Variants in PPP1R3F observed in about 807,000 individuals in gnomAD.
PPP1R3F encodes protein phosphatase 1, regulatory (inhibitor) subunit 3F.
A neutral mutation model predicts 24.2 loss-of-function variants in PPP1R3F; 29 were observed. The observed-to-expected ratio is 1.20, with a 90% CI of 0.89 to 1.63. The LOEUF (loss-of-function observed/expected upper bound fraction) is 1.63. Among genes scored for constraint, PPP1R3F ranks in the 40% most tolerant of loss-of-function variants. The pLI is 0.00. For missense variants in PPP1R3F, 823 were observed against 729.3 expected, an observed-to-expected ratio of 1.13 and a Z score of -1.48; for synonymous variants, 363 against 340.1, an observed-to-expected ratio of 1.07 and a Z score of -0.74.
At chrX:49,276,939 G>A (rs1485678504) in intron 1 of PPP1R3F, among the ~76,000 whole-genome samples, 2 of 112,514 alleles carry the variant, frequency 1.8e-5, no homozygotes, top group Non-Finnish European at 3.8e-5. Context: ...CGGAAAGTCA[G>A]CGTTATCTTC....
At chrX:49,271,780 CAG>C (rs1569530320) in intron 1 of PPP1R3F, among the ~76,000 whole-genome samples, 1 of 113,110 alleles carries the variant, frequency 8.8e-6, no homozygotes, top group African/African-American at 3.2e-5. Context: ...GTGGCTCTAG[CAG>C]AGAGACAGAA....
chrX:49,292,162 A>G (rs1372905622), downstream of PPP1R3F, among the ~76,000 whole-genome samples: 1 of 111,359 alleles, frequency 9.0e-6, no homozygotes, highest in Non-Finnish European at 1.9e-5. Context: ...CTCAGGGTGC[A>G]TGAGCTCCAG....
rs2066281799 is a variant in PPP1R3F at position 49,286,195 on chromosome X, C to T, written c.1505C>T (p.Ala502Val). 3 of 1,070,260 alleles carry T rather than the reference C, an allele frequency of 2.8e-6. No individual in the cohort carries two copies. The highest frequency in any genetic ancestry group is 3.9e-5 in the African/African-American group (2 of 51,929). 88.2% of individuals were successfully genotyped at this position (1,070,260 alleles called of 1,213,427 possible). A position where few individuals can be genotyped will look rare whatever the true frequency, so the allele number is the denominator to read the frequency against. Reference sequence around the variant, plus strand: ...TCTCACCTGAGCCGCCTACGGGCTGCTGTGGCTGCGGGTGGGGCAGGGGGT... The same window carrying T: ...TCTCACCTGAGCCGCCTACGGGCTGTTGTGGCTGCGGGTGGGGCAGGGGGT... ...YLSHLSRLRAAVAAGGAGGGG... is the reference protein window; with the variant it reads ...YLSHLSRLRAVVAAGGAGGGG... Residue 502 changes from alanine to valine, a missense_variant, in exon 4 of 4, where the codon GCT becomes GTT. Coordinates refer to ENST00000055335, the MANE Select transcript of PPP1R3F (RefSeq NM_033215.5).
Position 49,294,022 on chromosome X carries a change from G to A in PPP1R3F, c.393-7329G>A, listed in dbSNP as rs782259796. Among the ~76,000 whole-genome samples, 20 of 111,305 alleles carry A rather than the reference G, an allele frequency of 1.8e-4. No homozygotes were observed. The South Asian group carries it at 7.1e-3, about 40-fold the overall frequency. On this transcript the variant is annotated intron_variant, in intron 3 of 3. Coordinates refer to the PPP1R3F transcript ENST00000471261. ...ACAACAACAACAAACAACCAAACAA[G>A]CAAAACCCCACACAAGGATTTTCAA...
At chrX:49,288,736 C>T (rs1557122075), downstream of PPP1R3F, among the ~76,000 whole-genome samples, 1 of 112,060 alleles carries the variant, frequency 8.9e-6, no homozygotes, top group East Asian at 2.8e-4. Flanking sequence ...CAATTGGTTA[C>T]CCGCATTGAA....
chrX:49,272,657 G>A (rs1350009476), intron 1 of PPP1R3F, among the ~76,000 whole-genome samples: 3 of 112,887 alleles, frequency 2.7e-5, no homozygotes, highest in Non-Finnish European at 5.6e-5. Flanking sequence ...TGCATGGTTG[G>A]ATTGAATGCA....
chrX:49,271,432 A>G (rs2066179594), intron 1 of PPP1R3F, among the ~76,000 whole-genome samples: 1 of 112,664 alleles, frequency 8.9e-6, no homozygotes, highest in South Asian at 3.6e-4. Flanking sequence ...TATATGGAAC[A>G]AGGGTGTTCT....
intron 1 of PPP1R3F, among the ~76,000 whole-genome samples, chrX:49,271,096 G>A (rs1160550011): frequency 1.8e-5 from 2 of 112,127 alleles, no homozygotes; most frequent in Admixed American, 1.9e-4. Flanking sequence ...CCCTGAACAA[G>A]ACAGACATCT....
chrX:49,296,113 T>G (rs1401824896), intron 3 of PPP1R3F, among the ~76,000 whole-genome samples: 1 of 112,079 alleles, frequency 8.9e-6, no homozygotes, highest in Non-Finnish European at 1.9e-5. Context: ...TCTTTGTAAC[T>G]CTGGTAGAAT....
chrX:49,283,347 C>T lies in PPP1R3F; in HGVS notation c.1143+1284C>T, dbSNP rs782011325. On this transcript the variant is annotated intron_variant, in intron 3 of 3. Transcript: ENST00000055335. ...TCTCAGCTTACTGCAACCTCTGCCT[C>T]CTGGGTTCAAGCAAGTACATCCAGC... 2.5e-3 allele frequency among the ~76,000 whole-genome samples: 269 copies of T among 109,140 alleles called. 1 individual carries two copies. The highest frequency in any genetic ancestry group is 8.3e-3 in the African/African-American group (249 of 29,936). 94.8% of individuals were successfully genotyped at this position (109,140 alleles called of 115,157 possible). A position where few individuals can be genotyped will look rare whatever the true frequency, so the allele number is the denominator to read the frequency against.
chrX:49,281,441 A>T lies in PPP1R3F; in HGVS notation c.1040A>T (p.Asp347Val). The T allele has an allele frequency of 1.7e-6, 2 of 1,208,303 alleles. No homozygotes were observed. Among genetic ancestry groups the T allele is most frequent in the Non-Finnish European group, 1.1e-6 (1 of 892,804 alleles). The stretch of plus-strand genomic sequence containing the variant: ...GAGGAACTGAAGACGAAGAACATGG[A>T]TGATAACACCTTTGCCATGGGTAAG... ...AEEELKTKNMDDNTFAMAEHP... is the reference protein window; with the variant it reads ...AEEELKTKNMVDNTFAMAEHP... The change falls in exon 2 of 4, where the codon GAT becomes GTT. Residue 347 changes from aspartate (D) to valine (V), a missense_variant. Physicochemically the swap from Asp to Val is radical, Grantham distance 152 (BLOSUM62 -3). Transcript: ENST00000055335.
At chrX:49,285,755 T>G in intron 3 of PPP1R3F, 79 bp from the exon 4 acceptor site, 1 of 999,238 alleles carries the variant, frequency 1.0e-6, no homozygotes, top group Non-Finnish European at 1.3e-6. Flanking sequence ...CACTTCTTAC[T>G]GTCTCTGCTT....
rs1326528868 is a variant in PPP1R3F at position 49,299,663 on chromosome X, A to G, written c.393-1688A>G. ...CCAGAAAGATGGGAGTTTTATCTAT[A>G]AGCCCCTGCCTGGGGCTGCTGCCTT... On this transcript the variant is annotated intron_variant, in intron 3 of 3. Coordinates refer to the PPP1R3F transcript ENST00000471261. 2.7e-5 allele frequency among the ~76,000 whole-genome samples: 3 copies of G among 111,611 alleles called. No homozygotes were observed. The East Asian group carries it at 8.5e-4, about 32-fold the overall frequency.
intron 3 of PPP1R3F, among the ~76,000 whole-genome samples, chrX:49,294,542 A>C (rs1557122643): frequency 9.1e-6 from 1 of 109,941 alleles, no homozygotes; most frequent in Non-Finnish European, 1.9e-5. Flanking sequence ...TACAATGTTG[A>C]ATAGCAGGAG....
chrX:49,286,818 T>C lies in PPP1R3F; in HGVS notation c.2128T>C (p.Leu710=). 1 of 1,201,893 alleles carries C rather than the reference T, an allele frequency of 8.3e-7. No individual in the cohort carries two copies. Among genetic ancestry groups the C allele is most frequent in the Non-Finnish European group, 1.1e-6 (1 of 889,749 alleles). ...GCAAAATCCCACCCTCCTCAGTCCC[T>C]TGGGGGCCGAAGTCTGTCTCTCTAG... ...QGQNPTLLSP[L]GAEVCLSSVA... The change falls in exon 4 of 4, where the codon TTG becomes CTG. Residue 710 remains leucine (L), a synonymous_variant. Transcript: ENST00000055335.
intron 1 of PPP1R3F, among the ~76,000 whole-genome samples, chrX:49,271,588 C>T (rs370655801): frequency 2.0e-4 from 22 of 112,542 alleles, no homozygotes; most frequent in African/African-American, 7.1e-4. Context: ...GATTCTCTTT[C>T]TGACAGAGCA....
downstream of PPP1R3F, among the ~76,000 whole-genome samples, chrX:49,288,911 T>C (rs2066300951): frequency 9.0e-6 from 1 of 111,324 alleles, no homozygotes; most frequent in African/African-American, 3.3e-5. Flanking sequence ...GAGGTCTAGA[T>C]GGGCGGATCA....
At position 49,269,815 on chromosome X, in the gene PPP1R3F, C is replaced by A; in HGVS notation, c.-55C>A. ...CCCATTGGCTGCCCGCCCCTTCAGG[C>A]CCTGCCCCCGCCGGTCCCGCCGCCG... On this transcript the variant is annotated 5_prime_UTR_variant, in exon 1 of 4. Transcript: ENST00000055335. 1 of 778,990 alleles carries A rather than the reference C, an allele frequency of 1.3e-6. No homozygotes were observed. The highest frequency in any genetic ancestry group is 1.6e-6 in the Non-Finnish European group (1 of 628,653). The allele number at this position is 778,990 out of a possible 1,213,427, so 64.2% of individuals were successfully genotyped here.
chrX:49,287,376 G>A lies in PPP1R3F; in HGVS notation c.*286G>A, dbSNP rs891893496. 16 of 311,063 alleles carry A rather than the reference G, an allele frequency of 5.1e-5. No individual in the cohort carries two copies. Among genetic ancestry groups the A allele is most frequent in the Middle Eastern group, 1.7e-3 (2 of 1,159 alleles). 25.6% of individuals were successfully genotyped at this position (311,063 alleles called of 1,213,427 possible). On this transcript the variant is annotated 3_prime_UTR_variant, in exon 4 of 4. Transcript: ENST00000055335. ...ATTCTCTGGATGAGGGAGAGTGGTC[G>A]TGAGCTGGTCTTGGGGCACAATTAC...
Sources: allele counts gnomAD v4.1 joint callset (sites outside exome capture counted in the v4.1 genomes callset), GRCh38; gene constraint gnomAD v4.1.1; transcripts MANE v1.5; gene names NCBI Gene and HGNC (gene_info 2026-07-23, HGNC 2026-07-21).